The following ANKRD29 variants were observed in gnomAD, a reference collection of about 807,000 sequenced individuals.
The protein encoded by ANKRD29 is ankyrin repeat domain-containing protein 29.
ANKRD29 carries 32 observed loss-of-function variants against 38.0 expected under a neutral mutation model. The ratio of observed to expected loss-of-function variants is 0.84; its 90% CI spans 0.64 to 1.13. The LOEUF (loss-of-function observed/expected upper bound fraction) is 1.13. ANKRD29 is among the 50% of genes most tolerant of loss of function. The probability of loss-of-function intolerance (pLI) is 0.00; values close to 1 mark genes in which losing one functional copy is unlikely to be tolerated. For synonymous variants in ANKRD29, 135 were observed against 152.4 expected (o/e 0.89, Z 0.84); for missense variants, 357 against 377.9 (o/e 0.94, Z 0.46).
chr18:23,631,242 C>CTT (rs577952705), intron 5 of ANKRD29, among the ~76,000 whole-genome samples: 8 of 139,064 alleles, frequency 5.8e-5, no homozygotes, highest in Admixed American at 7.2e-5. Flanking sequence ...TCTCTCTCTT[C>CTT]TTTTTTTTTT....
intron 1 of ANKRD29, among the ~76,000 whole-genome samples, chr18:23,657,997 T>A (rs1210416450): frequency 6.6e-6 from 1 of 152,252 alleles, no homozygotes; most frequent in Non-Finnish European, 1.5e-5. Context: ...AATATTTGCC[T>A]TGCTAGGTAT....
At chr18:23,633,688 A>T (rs1294945767) in intron 5 of ANKRD29, among the ~76,000 whole-genome samples, 1 of 152,076 alleles carries the variant, frequency 6.6e-6, no homozygotes, top group Non-Finnish European at 1.5e-5. Context: ...CTCCTGCCTC[A>T]GCCTCCTGAG....
At chr18:23,639,721 A>C (rs1029870544) in intron 3 of ANKRD29, among the ~76,000 whole-genome samples, 1 of 152,044 alleles carries the variant, frequency 6.6e-6, no homozygotes, top group Non-Finnish European at 1.5e-5. Context: ...TTTTTAGTAG[A>C]AACAGGGTTT....
intron 7 of ANKRD29, 21 bp downstream of exon 7, chr18:23,619,510 C>A: frequency 6.4e-7 from 1 of 1,566,032 alleles, no homozygotes; most frequent in Non-Finnish European, 8.6e-7. Flanking sequence ...CGCTCTTTGG[C>A]CGCGCGACTC....
At chr18:23,654,932 T>C (rs1330007753) in intron 1 of ANKRD29, among the ~76,000 whole-genome samples, 1 of 152,124 alleles carries the variant, frequency 6.6e-6, no homozygotes, top group Admixed American at 6.5e-5. Context: ...AAGTTTAGAG[T>C]AATGTGGACT....
intron 6 of ANKRD29, among the ~76,000 whole-genome samples, chr18:23,625,582 A>T (rs946447932): frequency 6.6e-5 from 10 of 152,188 alleles, no homozygotes; most frequent in Non-Finnish European, 1.3e-4. Context: ...TTCTGTTCCA[A>T]TGAGGCCTGG....
intron 4 of ANKRD29, among the ~76,000 whole-genome samples, chr18:23,636,529 G>T (rs2060004862): frequency 1.3e-5 from 2 of 152,082 alleles, no homozygotes; most frequent in Admixed American, 1.3e-4. Context: ...GCCTCCCAAA[G>T]TGCTGGAATT....
chr18:23,623,122 T>C (rs2059816506), intron 6 of ANKRD29, among the ~76,000 whole-genome samples: 1 of 152,248 alleles, frequency 6.6e-6, no homozygotes, highest in Non-Finnish European at 1.5e-5. Context: ...TAATTGCATC[T>C]GAGTAGTATT....
At chr18:23,647,115 A>T (rs1398966239) in intron 2 of ANKRD29, 1 of 152,234 alleles carries the variant, frequency 6.6e-6, no homozygotes, top group Non-Finnish European at 1.5e-5. Context: ...AGGGTAATTA[A>T]GTGAATTTTG....
At chr18:23,641,232 G>A (rs1363249847) in intron 3 of ANKRD29, among the ~76,000 whole-genome samples, 1 of 152,232 alleles carries the variant, frequency 6.6e-6, no homozygotes, top group Non-Finnish European at 1.5e-5. Flanking sequence ...GGAAGCAGGT[G>A]GGAGCCCCAT....
intron 2 of ANKRD29, 53 bp downstream of exon 2, chr18:23,649,030 G>T: frequency 1.4e-6 from 2 of 1,453,202 alleles, no homozygotes; most frequent in Non-Finnish European, 1.9e-6. Flanking sequence ...GTGCTCCTGT[G>T]CCCACAGAGG....
At chr18:23,623,140 A>C (rs1358920275) in intron 6 of ANKRD29, among the ~76,000 whole-genome samples, 1 of 152,232 alleles carries the variant, frequency 6.6e-6, no homozygotes, top group Non-Finnish European at 1.5e-5. Context: ...ATTTATCATG[A>C]GAAACAATAC....
At position 23,638,865 on chromosome 18, in the gene ANKRD29, G is replaced by C. The variant is rs552841215; in HGVS notation, c.314C>G (p.Thr105Ser). Residue 105 changes from threonine to serine, a missense_variant, in exon 4 of 10, where the codon ACT (threonine) becomes AGT (serine). Physicochemically the swap from Thr to Ser is moderately conservative, Grantham distance 58. Coordinates refer to ENST00000592179, the MANE Select transcript of ANKRD29 (RefSeq NM_173505.4). ...TTATCTCACTTTGGTCCTAAATTCA[G>C]TGGATGCTCCAAATCCAAAGAGAAA... ...VRFLFGFGAS[T>S]EFRTKDGGTA... The C allele has an allele frequency of 3.1e-6, 5 of 1,610,780 alleles. No individual in the cohort carries two copies. The highest frequency in any genetic ancestry group is 4.2e-6 in the Non-Finnish European group (5 of 1,179,228).
intron 6 of ANKRD29, 175 bp from the exon 7 acceptor site, chr18:23,619,804 G>T (rs993119718): frequency 3.5e-6 from 2 of 563,952 alleles, no homozygotes; most frequent in Non-Finnish European, 6.1e-6. Context: ...AAAAGAGGGG[G>T]TGTGTGTAGC....
At chr18:23,629,636 A>G (rs2059904313) in intron 6 of ANKRD29, among the ~76,000 whole-genome samples, 1 of 152,252 alleles carries the variant, frequency 6.6e-6, no homozygotes, top group African/African-American at 2.4e-5. Flanking sequence ...AAAGTACTGA[A>G]CTGTGATGTC....
At chr18:23,628,377 A>G (rs187646121) in intron 6 of ANKRD29, among the ~76,000 whole-genome samples, 1 of 152,154 alleles carries the variant, frequency 6.6e-6, no homozygotes, top group African/African-American at 2.4e-5. Flanking sequence ...GCTCAGACCA[A>G]CCTTAAAGTT....
chr18:23,650,230 C>T (rs768915968), intron 1 of ANKRD29, among the ~76,000 whole-genome samples: 4 of 152,244 alleles, frequency 2.6e-5, no homozygotes, highest in Admixed American at 6.5e-5. Flanking sequence ...ACTGCAGCCT[C>T]GACCTCTCAG....
At chr18:23,627,046 T>TAGGCCATGTGC (rs540345092) in intron 6 of ANKRD29, among the ~76,000 whole-genome samples, 1 of 152,326 alleles carries the variant, frequency 6.6e-6, no homozygotes, top group South Asian at 2.1e-4. Flanking sequence ...AGAATATAGG[T>TAGGCCATGTGC]AGGCCATGTG....
At chr18:23,621,578 C>G (rs2059797980) in intron 6 of ANKRD29, among the ~76,000 whole-genome samples, 2 of 152,152 alleles carry the variant, frequency 1.3e-5, no homozygotes, top group African/African-American at 4.8e-5. Flanking sequence ...TTATCATGAG[C>G]AATTTGTACT....
Sources: allele counts gnomAD v4.1 joint callset (sites outside exome capture counted in the v4.1 genomes callset), GRCh38; gene constraint gnomAD v4.1.1; transcripts MANE v1.5; gene names NCBI Gene and HGNC (gene_info 2026-07-23, HGNC 2026-07-21).